Variants in KHDRBS2 observed in about 807,000 individuals in gnomAD.
KHDRBS2 encodes the protein KH RNA binding domain containing, signal transduction associated 2.
In KHDRBS2, 26 loss-of-function variants were observed where a neutral mutation model predicts 44.3. The ratio of observed to expected loss-of-function variants is 0.59; its 90% CI spans 0.43 to 0.81. The LOEUF is 0.81. Among genes scored for constraint, KHDRBS2 ranks in the 40% least tolerant of loss-of-function variants. The pLI is 0.00. For missense variants in KHDRBS2, 476 were observed against 433.1 expected, an observed-to-expected ratio of 1.10 and a Z score of -0.88; for synonymous variants, 194 against 151.1, an observed-to-expected ratio of 1.28 and a Z score of -2.08.
intron 7 of KHDRBS2, among the ~76,000 whole-genome samples, chr6:61,721,843 C>T (rs200093744): frequency 1.2e-4 from 1 of 8,444 alleles, no homozygotes; most frequent in Non-Finnish European, 2.3e-4. Context: ...AGAGAGGGCA[C>T]CCCGTCTTGT....
intron 3 of KHDRBS2, 36 bp from the exon 4 acceptor site, chr6:61,978,248 C>T (rs1773118656): frequency 6.5e-7 from 1 of 1,528,964 alleles, no homozygotes. Context: ...TACAAATCCA[C>T]TCATTTTACA....
At chr6:61,946,982 G>A (rs951669709) in intron 4 of KHDRBS2, among the ~76,000 whole-genome samples, 4 of 152,092 alleles carry the variant, frequency 2.6e-5, no homozygotes, top group Non-Finnish European at 5.9e-5. Flanking sequence ...TCTTGGGCGG[G>A]CAAATGGATA....
chr6:62,203,167 G>T (rs1459017010), intron 1 of KHDRBS2, among the ~76,000 whole-genome samples: 1 of 152,122 alleles, frequency 6.6e-6, no homozygotes, highest in Admixed American at 6.6e-5. Context: ...CATCTTGCAG[G>T]TAATTTTAGG....
intron 2 of KHDRBS2, among the ~76,000 whole-genome samples, chr6:62,058,571 C>T (rs1432079037): frequency 6.6e-6 from 1 of 151,810 alleles, no homozygotes; most frequent in Non-Finnish European, 1.5e-5. Flanking sequence ...ACCGTAGACA[C>T]AGATCAAAAA....
chr6:61,604,215 C>T, the KHDRBS2 span, among the ~76,000 whole-genome samples: 1 of 152,174 alleles, frequency 6.6e-6, no homozygotes, highest in Non-Finnish European at 1.5e-5. Flanking sequence ...ATTAATACCT[C>T]TTTAATAAAA....
chr6:61,707,559 T>C (rs1769796583), intron 7 of KHDRBS2, among the ~76,000 whole-genome samples: 1 of 151,818 alleles, frequency 6.6e-6, no homozygotes, highest in Non-Finnish European at 1.5e-5. Flanking sequence ...AATGCAAAAT[T>C]ACAGTGATTT....
chr6:62,229,841 A>T (rs1380343767), intron 1 of KHDRBS2, among the ~76,000 whole-genome samples: 1 of 152,158 alleles, frequency 6.6e-6, no homozygotes, highest in African/African-American at 2.4e-5. Flanking sequence ...GTCAGTCCTG[A>T]TGACAGAATC....
intron 1 of KHDRBS2, among the ~76,000 whole-genome samples, chr6:62,207,474 C>T (rs1395797608): frequency 6.6e-6 from 1 of 151,988 alleles, no homozygotes; most frequent in African/African-American, 2.4e-5. Flanking sequence ...CCTACTTAGC[C>T]CTGAAGGTGA....
chr6:61,897,237 C>G (rs930071371), intron 5 of KHDRBS2, among the ~76,000 whole-genome samples: 1 of 152,132 alleles, frequency 6.6e-6, no homozygotes, highest in Non-Finnish European at 1.5e-5. Context: ...TCTCTGGAGA[C>G]AGGGAGCTCC....
chr6:61,741,013 G>T (rs1776057942), intron 6 of KHDRBS2, among the ~76,000 whole-genome samples: 2 of 151,870 alleles, frequency 1.3e-5, no homozygotes, highest in South Asian at 4.1e-4. Context: ...TCTAGGAAAT[G>T]AGGGCACAAG....
At chr6:61,919,767 A>G (rs1156602088) in intron 4 of KHDRBS2, among the ~76,000 whole-genome samples, 2 of 151,924 alleles carry the variant, frequency 1.3e-5, no homozygotes, top group Non-Finnish European at 2.9e-5. Context: ...ACACCTTTCA[A>G]ATTTTGAAAA....
chr6:61,627,069 C>T, the KHDRBS2 span, among the ~76,000 whole-genome samples: 6 of 151,210 alleles, frequency 4.0e-5, no homozygotes, highest in East Asian at 1.9e-4. Flanking sequence ...CTGGCTAACA[C>T]GGTGAAACCC....
At chr6:61,941,299 C>T (rs186077011) in intron 4 of KHDRBS2, among the ~76,000 whole-genome samples, 11 of 152,276 alleles carry the variant, frequency 7.2e-5, no homozygotes, top group Non-Finnish European at 5.9e-5. Context: ...CCACCAACAC[C>T]AGCACACAGC....
chr6:62,174,326 A>G (rs1820671453), intron 2 of KHDRBS2, among the ~76,000 whole-genome samples: 1 of 151,686 alleles, frequency 6.6e-6, no homozygotes, highest in Non-Finnish European at 1.5e-5. Flanking sequence ...TAAAAAAACT[A>G]GAAATACAGT....
chr6:62,124,706 G>C (rs1374101941), intron 2 of KHDRBS2, among the ~76,000 whole-genome samples: 1 of 151,768 alleles, frequency 6.6e-6, no homozygotes, highest in Non-Finnish European at 1.5e-5. Flanking sequence ...AAATACACAA[G>C]TGCAGGTATC....
chr6:62,142,542 A>T (rs569955561), intron 2 of KHDRBS2, among the ~76,000 whole-genome samples: 2 of 152,176 alleles, frequency 1.3e-5, no homozygotes, highest in South Asian at 4.1e-4. Flanking sequence ...CAATGTAATT[A>T]TTCTTAAGTA....
chr6:61,818,588 T>C (rs1298476801), intron 6 of KHDRBS2, among the ~76,000 whole-genome samples: 1 of 152,010 alleles, frequency 6.6e-6, no homozygotes, highest in East Asian at 1.9e-4. Context: ...ATCATGTTGT[T>C]GTTCCACGTT....
intron 1 of KHDRBS2, among the ~76,000 whole-genome samples, chr6:62,221,480 T>A (rs1385746825): frequency 6.6e-6 from 1 of 152,118 alleles, no homozygotes; most frequent in Non-Finnish European, 1.5e-5. Context: ...GAAAAAATGG[T>A]TAACTATGTG....
At chr6:62,067,546 A>G (rs1422818479) in intron 2 of KHDRBS2, among the ~76,000 whole-genome samples, 2 of 151,474 alleles carry the variant, frequency 1.3e-5, no homozygotes, top group Non-Finnish European at 3.0e-5. Flanking sequence ...AAAGTCTCAG[A>G]CTATTGGTTT....
Sources: gnomAD v4.1 joint callset for allele counts (sites outside exome capture counted in the v4.1 genomes callset) on GRCh38, gnomAD v4.1.1 for gene constraint, MANE v1.5 for transcripts, NCBI Gene and HGNC (gene_info 2026-07-23, HGNC 2026-07-21) for gene names.